The following FANCA variants were observed in gnomAD, a reference collection of about 807,000 sequenced individuals.
FANCA encodes Fanconi anemia group A protein.
In FANCA, 236 loss-of-function variants were observed where a neutral mutation model predicts 194.3. That is an observed-to-expected ratio of 1.21 (90% confidence interval 1.09 to 1.35). The LOEUF (loss-of-function observed/expected upper bound fraction) is 1.35. Ranked by LOEUF, FANCA falls within the 40% of genes most tolerant of loss-of-function variation. The pLI, the probability that FANCA is intolerant of heterozygous loss-of-function variation, is 0.00. For synonymous variants in FANCA, 1,014 were observed against 715.8 expected, an observed-to-expected ratio of 1.42 and a Z score of -6.65; for missense variants, 2,628 against 1,813.9, an observed-to-expected ratio of 1.45 and a Z score of -8.15.
chr16:89,766,690 G>C (rs1464764992), intron 27 of FANCA, among the ~76,000 whole-genome samples: 1 of 151,514 alleles, frequency 6.6e-6, no homozygotes, highest in Admixed American at 6.6e-5. Context: ...ACTCCAGCCT[G>C]GGCGACAGAG....
Position 89,748,764 on chromosome 16 carries a change from G to A in FANCA, c.3243C>T (p.Ile1081=). ...RQRELLMYKR[I]LLRLPSSVLC... ...GGACAGACGAAGGCAGGCGGAGGAG[G>A]ATCCTGGAAAGAAGGGGCTGTATTG... Residue 1081 remains isoleucine (I), a synonymous_variant, in exon 33 of 43, where the codon ATC becomes ATT. Transcript: ENST00000389301. The A allele has an allele frequency of 3.1e-6, 5 of 1,613,694 alleles. No homozygotes were observed. Among genetic ancestry groups the A allele is most frequent in the Non-Finnish European group, 4.2e-6 (5 of 1,179,870 alleles).
intron 18 of FANCA, 40 bp from the exon 19 acceptor site, chr16:89,779,043 G>C: frequency 6.3e-7 from 1 of 1,598,438 alleles, no homozygotes; most frequent in Non-Finnish European, 8.6e-7. Context: ...AGTCAGAGCA[G>C]CGAGAAGGCA....
intron 11 of FANCA, 24 bp downstream of exon 11, chr16:89,795,882 G>C: frequency 6.4e-7 from 1 of 1,564,130 alleles, no homozygotes; most frequent in Non-Finnish European, 8.8e-7. Context: ...GGTAGCAACT[G>C]AGCAGCCTCC....
intron 14 of FANCA, among the ~76,000 whole-genome samples, chr16:89,788,116 G>C (rs2039956511): frequency 6.6e-6 from 1 of 152,102 alleles, no homozygotes; most frequent in African/African-American, 2.4e-5. Flanking sequence ...CAAGCAATCG[G>C]CCCACCTCGT....
rs1458061374 is a variant in FANCA, at chr16:89,738,594, G to A, written c.*7C>T. 8.7e-6 allele frequency: 14 copies of A among 1,612,920 alleles called. No individual in the cohort carries two copies. Among genetic ancestry groups the A allele is most frequent in the African/African-American group, 1.3e-5 (1 of 74,868 alleles). On this transcript the variant is annotated 3_prime_UTR_variant, in exon 43 of 43. Transcript: ENST00000389301. Reference sequence around the variant, plus strand: ...GGAGCTGGGCTGGTGTGCAGTGGCAGGTCCCGTCAGAAGAGATGAGGCTCC... The same window carrying A: ...GGAGCTGGGCTGGTGTGCAGTGGCAAGTCCCGTCAGAAGAGATGAGGCTCC...
rs777400054 is a variant in FANCA, at chr16:89,749,905, G to C, written c.3067-3C>G. On this transcript the variant is annotated splice_polypyrimidine_tract_variant and splice_region_variant and intron_variant, in intron 31 of 42. Coordinates refer to ENST00000389301, the MANE Select transcript of FANCA (RefSeq NM_000135.4). ...AGCTCCAGGTCAGCTACCATCTCCT[G>C]AAAAAGAGCAGTATGCTGGCACAGG... 6.2e-7 allele frequency: 1 copy of C among 1,613,982 alleles called. No individual in the cohort carries two copies. Among genetic ancestry groups the C allele is most frequent in the South Asian group, 1.1e-5 (1 of 91,068 alleles).
chr16:89,805,916 CTTTT>C (rs910788164), intron 6 of FANCA, among the ~76,000 whole-genome samples: 15 of 149,202 alleles, frequency 1.0e-4, no homozygotes, highest in Non-Finnish European at 1.8e-4. Context: ...TGGCCTGAAC[CTTTT>C]TTTTTTCTCT....
intron 3 of FANCA, among the ~76,000 whole-genome samples, chr16:89,813,083 G>T (rs989085356): frequency 6.6e-6 from 1 of 150,804 alleles, no homozygotes; most frequent in South Asian, 2.1e-4. Flanking sequence ...TAAAATTATA[G>T]TACGAGAAAT....
In FANCA at chr16:89,782,878, G is replaced by T. The variant is rs769047348; in HGVS notation, c.1607C>A (p.Ser536Ter). ...ENMGLYEDLSSAGDITEPHSQ... is the reference protein window; with the variant it reads ...ENMGLYEDLS ...CATTACCTCAGTAATGTCCCCAGCTGATGACAAATCCTCGTAGAGTCCCAT... is the reference window on the plus strand; with the variant it reads ...CATTACCTCAGTAATGTCCCCAGCTTATGACAAATCCTCGTAGAGTCCCAT... The change falls in exon 17 of 43, where the codon TCA becomes TAA. Residue 536 changes from serine to a stop codon, truncating the protein, a stop_gained. Transcript: ENST00000389301. LOFTEE classifies it high-confidence loss of function. 1.2e-6 allele frequency: 2 copies of T among 1,614,096 alleles called. No homozygotes were observed. Among genetic ancestry groups the T allele is most frequent in the Non-Finnish European group, 1.7e-6 (2 of 1,179,934 alleles).
At chr16:89,750,153 A>G (rs2038534061) in intron 31 of FANCA, among the ~76,000 whole-genome samples, 2 of 152,146 alleles carry the variant, frequency 1.3e-5, no homozygotes, top group South Asian at 4.1e-4. Flanking sequence ...CCTTGAGCCC[A>G]GGAGTTACAG....
chr16:89,754,909 C>A (rs2038718748), intron 30 of FANCA, among the ~76,000 whole-genome samples: 1 of 152,150 alleles, frequency 6.6e-6, no homozygotes, highest in African/African-American at 2.4e-5. Context: ...AAAATTAAGA[C>A]ACAACTACAA....
chr16:89,784,647 AC>A (rs1411446074), intron 15 of FANCA, among the ~76,000 whole-genome samples: 1 of 151,864 alleles, frequency 6.6e-6, no homozygotes, highest in Non-Finnish European at 1.5e-5. Flanking sequence ...ACACGCACTC[AC>A]TGTGTGTCCA....
At chr16:89,751,790 G>A (rs1015556981) in intron 31 of FANCA, among the ~76,000 whole-genome samples, 5 of 149,454 alleles carry the variant, frequency 3.3e-5, no homozygotes, top group African/African-American at 9.8e-5. Flanking sequence ...TTTTTGAGAC[G>A]GAGTCTCACT....
chr16:89,759,318 TAAAAAAAAAAAAAAAA>T (rs71137673), intron 29 of FANCA, among the ~76,000 whole-genome samples: 13 of 75,206 alleles, frequency 1.7e-4, no homozygotes, highest in Middle Eastern at 0.014. Context: ...AGACTCCGTC[TAAAAAAAAAAAAAAAA>T]AAAAAAAAAA....
intron 25 of FANCA, 42 bp downstream of exon 25, chr16:89,770,124 G>C (rs969335890): frequency 3.2e-6 from 5 of 1,569,656 alleles, no homozygotes; most frequent in Non-Finnish European, 4.3e-6. Flanking sequence ...CTGGCCCTCA[G>C]AGTGGGCCCC....
intron 30 of FANCA, among the ~76,000 whole-genome samples, chr16:89,756,734 A>G (rs2038779199): frequency 6.6e-6 from 1 of 152,200 alleles, no homozygotes; most frequent in African/African-American, 2.4e-5. Context: ...CTCTGTGCAA[A>G]CCTACCCATA....
chr16:89,792,122 G>C lies in FANCA; in HGVS notation c.1084-54C>G, dbSNP rs147784669. 1,181 of 1,609,394 alleles carry C rather than the reference G, an allele frequency of 7.3e-4. 10 individuals are homozygous for C. In the African/African-American group the frequency reaches 0.012, roughly 16 times the overall value. ...TATCCAAGCAAACCAATGTGCGACAGATGACCCCTCACCTTCCTCCCAGCC... is the reference window on the plus strand; with the variant it reads ...TATCCAAGCAAACCAATGTGCGACACATGACCCCTCACCTTCCTCCCAGCC... On this transcript the variant is annotated intron_variant, in intron 12 of 42. Transcript: ENST00000389301.
Position 89,737,716 on chromosome 16 carries a change from C to G in FANCA, c.*885G>C. On this transcript the variant is annotated 3_prime_UTR_variant, in exon 43 of 43. Transcript: ENST00000389301. Reference sequence around the variant, plus strand: ...GGTGAACCATGTGCAGAAATGTCTTCCCAGCTGTGATGGTTTCACATTGTC... The same window carrying G: ...GGTGAACCATGTGCAGAAATGTCTTGCCAGCTGTGATGGTTTCACATTGTC... The G allele has an allele frequency of 6.3e-7, 1 of 1,595,588 alleles. No individual in the cohort carries two copies. The highest frequency in any genetic ancestry group is 8.6e-7 in the Non-Finnish European group (1 of 1,168,174).
At chr16:89,765,709 TC>T (rs960550512) in intron 27 of FANCA, among the ~76,000 whole-genome samples, 2 of 152,222 alleles carry the variant, frequency 1.3e-5, no homozygotes, top group Non-Finnish European at 2.9e-5. Flanking sequence ...GATGAGAGCC[TC>T]CCATGTTTAT....
Sources: gnomAD v4.1 joint callset for allele counts (sites outside exome capture counted in the v4.1 genomes callset) on GRCh38, gnomAD v4.1.1 for gene constraint, MANE v1.5 for transcripts, NCBI Gene and HGNC (gene_info 2026-07-23, HGNC 2026-07-21) for gene names.